Variants in CDIN1 observed in about 807,000 individuals in gnomAD.
CDIN1 encodes CDAN1 interacting nuclease 1.
In CDIN1, 33 loss-of-function variants were observed where a neutral mutation model predicts 45.3. The observed-to-expected ratio is 0.73, with a 90% CI of 0.55 to 0.97. CDIN1 has a LOEUF of 0.97. CDIN1 is among the 50% of genes least tolerant of loss of function. The pLI is 0.00. For missense variants in CDIN1, 303 were observed against 339.4 expected (o/e 0.89, Z 0.84); for synonymous variants, 118 against 124.4 (o/e 0.95, Z 0.34).
chr15:36,796,721 GC>G (rs1220130724), intron 10 of CDIN1, among the ~76,000 whole-genome samples: 1 of 152,244 alleles, frequency 6.6e-6, no homozygotes, highest in Non-Finnish European at 1.5e-5. Context: ...GGACCAGTGT[GC>G]CTTTTTAACT....
rs2042947380 is a variant in CDIN1, at chr15:36,708,469, T to C, written c.545-754T>C. On this transcript the variant is annotated intron_variant, in intron 8 of 10. Transcript: ENST00000566621. ...GAAAATATTGGTGGATTTTTTTTTT[T>C]TTTTTTTTTTTTTAAACAATCACCT... The C allele has an allele frequency of 2.6e-5, 4 of 151,948 alleles. No homozygotes were observed. In the South Asian group the frequency reaches 6.2e-4, roughly 24 times the overall value. The allele number at this position is 151,948 out of a possible 1,614,324, so 9.4% of individuals were successfully genotyped here.
intron 10 of CDIN1, among the ~76,000 whole-genome samples, chr15:36,797,623 A>G (rs147880512): frequency 0.028 from 4,222 of 152,260 alleles, 208 homozygotes; most frequent in African/African-American, 0.096. Context: ...CAATCTTGCA[A>G]TTCGCTCTTC....
chr15:36,800,629 A>C (rs1418459960), intron 10 of CDIN1, among the ~76,000 whole-genome samples: 6 of 151,988 alleles, frequency 3.9e-5, no homozygotes, highest in African/African-American at 1.4e-4. Context: ...AAACAGTGTA[A>C]GAGTTTATTT....
At chr15:36,644,627 C>T (rs1244258893) in intron 2 of CDIN1, among the ~76,000 whole-genome samples, 1 of 152,112 alleles carries the variant, frequency 6.6e-6, no homozygotes, top group Non-Finnish European at 1.5e-5. Context: ...CTGACTTGCA[C>T]TGTCAGTGCT....
chr15:36,690,576 T>G (rs2042213509), intron 5 of CDIN1, among the ~76,000 whole-genome samples: 1 of 152,084 alleles, frequency 6.6e-6, no homozygotes, highest in South Asian at 2.1e-4. Flanking sequence ...CCACTAACAT[T>G]TATCTTATGT....
chr15:36,662,414 T>C (rs2041050311), intron 5 of CDIN1, among the ~76,000 whole-genome samples: 1 of 152,000 alleles, frequency 6.6e-6, no homozygotes, highest in African/African-American at 2.4e-5. Flanking sequence ...ATTTTAGTTT[T>C]CAAACAAACT....
intron 1 of CDIN1, among the ~76,000 whole-genome samples, chr15:36,612,565 C>T (rs374344146): frequency 5.5e-4 from 83 of 152,222 alleles, no homozygotes; most frequent in African/African-American, 1.9e-3. Flanking sequence ...AGTTTGTCAC[C>T]ATATTCAGAG....
intron 8 of CDIN1, chr15:36,702,184 T>C: frequency 1.4e-6 from 1 of 700,370 alleles, no homozygotes; most frequent in Non-Finnish European, 2.6e-6. Context: ...ATTTAAATTC[T>C]TGTCTATCCG....
At chr15:36,657,783 A>C in intron 4 of CDIN1, 50 bp from the exon 5 acceptor site, 2 of 1,425,606 alleles carry the variant, frequency 1.4e-6, no homozygotes, top group Non-Finnish European at 9.7e-7. Flanking sequence ...TGGAGTATCC[A>C]CTGCTCGCAC....
chr15:36,628,133 A>C (rs67210642), intron 1 of CDIN1, among the ~76,000 whole-genome samples: 33,017 of 151,928 alleles, frequency 0.22, 4,039 homozygotes, highest in Admixed American at 0.34. Flanking sequence ...TTGTGTAGCC[A>C]TGTGTTGGAC....
At chr15:36,670,871 A>C (rs139133649) in intron 5 of CDIN1, among the ~76,000 whole-genome samples, 147 of 152,140 alleles carry the variant, frequency 9.7e-4, no homozygotes, top group Middle Eastern at 3.4e-3. Context: ...TAGTTGCTTC[A>C]GTTTAGACTT....
intron 10 of CDIN1, among the ~76,000 whole-genome samples, chr15:36,761,375 T>C (rs564873369): frequency 6.6e-6 from 1 of 152,340 alleles, no homozygotes; most frequent in South Asian, 2.1e-4. Context: ...TTACCTCAGA[T>C]TTACATATAG....
chr15:36,801,934 A>G (rs1296902255), intron 10 of CDIN1, among the ~76,000 whole-genome samples: 2 of 152,188 alleles, frequency 1.3e-5, no homozygotes, highest in African/African-American at 4.8e-5. Flanking sequence ...ACTTAGAGTT[A>G]TTCCCTGTGT....
At chr15:36,769,580 T>A (rs1353214327) in intron 10 of CDIN1, among the ~76,000 whole-genome samples, 1 of 152,204 alleles carries the variant, frequency 6.6e-6, no homozygotes, top group Non-Finnish European at 1.5e-5. Context: ...GGATTAGCAT[T>A]TGGTTAAATA....
chr15:36,760,721 T>C (rs1024625025), intron 10 of CDIN1, among the ~76,000 whole-genome samples: 4 of 111,728 alleles, frequency 3.6e-5, no homozygotes, highest in African/African-American at 1.5e-4. Context: ...GAAATGGTGG[T>C]GGTGGTGCTG....
intron 1 of CDIN1, chr15:36,618,144 C>A: frequency 4.2e-6 from 3 of 712,248 alleles, no homozygotes; most frequent in Non-Finnish European, 7.8e-6. Flanking sequence ...GGCATTAATT[C>A]ACCAGGATCT....
At chr15:36,786,163 G>C (rs779215608) in intron 10 of CDIN1, among the ~76,000 whole-genome samples, 2 of 152,170 alleles carry the variant, frequency 1.3e-5, no homozygotes, top group Non-Finnish European at 2.9e-5. Flanking sequence ...ATACAAAGTT[G>C]ACTTCACTTT....
intron 10 of CDIN1, among the ~76,000 whole-genome samples, chr15:36,794,592 C>T (rs1364541632): frequency 2.0e-5 from 3 of 152,114 alleles, no homozygotes; most frequent in Non-Finnish European, 4.4e-5. Flanking sequence ...TAATTTATAT[C>T]CTTGGGGTTC....
intron 10 of CDIN1, among the ~76,000 whole-genome samples, chr15:36,726,255 T>A (rs2043620173): frequency 1.3e-5 from 2 of 152,174 alleles, no homozygotes; most frequent in South Asian, 4.1e-4. Context: ...TCTCCACCAT[T>A]TCAAATGGTG....
Sources: allele counts gnomAD v4.1 joint callset (sites outside exome capture counted in the v4.1 genomes callset), GRCh38; gene constraint gnomAD v4.1.1; transcripts MANE v1.5; gene names NCBI Gene and HGNC (gene_info 2026-07-23, HGNC 2026-07-21).